Variants in WDR49 observed in about 807,000 individuals in gnomAD.
WDR49 encodes the protein WD repeat domain 49.
Under a neutral mutation model 119.5 loss-of-function variants are expected in WDR49, and 107 were observed. The ratio of observed to expected loss-of-function variants is 0.90; its 90% CI spans 0.77 to 1.05. The LOEUF (loss-of-function observed/expected upper bound fraction) is 1.05. WDR49 is among the 50% of genes least tolerant of loss of function. The pLI, the probability that WDR49 is intolerant of heterozygous loss-of-function variation, is 0.00. For synonymous variants in WDR49, 425 were observed against 418.8 expected (o/e 1.01, Z -0.18); for missense variants, 1,240 against 1,220.5 (o/e 1.02, Z -0.24).
intron 18 of WDR49, among the ~76,000 whole-genome samples, chr3:167,488,286 G>T (rs1191908851): frequency 1.3e-5 from 2 of 151,832 alleles, no homozygotes; most frequent in East Asian, 3.9e-4. Context: ...GCAAATTAAT[G>T]CAGGAACAGA....
rs529301127 is a variant in WDR49 at position 167,638,901 on chromosome 3, T to C, written c.166-11609A>G. On this transcript the variant is annotated intron_variant, in intron 2 of 18. Coordinates refer to ENST00000682715, the MANE Select transcript of WDR49 (RefSeq NM_001366157.1). Reference sequence around the variant, plus strand: ...AAGCCAAAAATTCAACATTTCGATTTCCTATCCAGCTGGTGAATTAGAAGG... The same window carrying C: ...AAGCCAAAAATTCAACATTTCGATTCCCTATCCAGCTGGTGAATTAGAAGG... 3.0e-4 allele frequency among the ~76,000 whole-genome samples: 46 copies of C among 151,766 alleles called. No homozygotes were observed. The South Asian group carries it at 9.5e-3, about 31-fold the overall frequency.
chr3:167,645,606 GCTT>G (rs1718082550), intron 2 of WDR49, among the ~76,000 whole-genome samples: 1 of 151,808 alleles, frequency 6.6e-6, no homozygotes, highest in Non-Finnish European at 1.5e-5. Flanking sequence ...TTGTTTGTTT[GCTT>G]CTTCTCCTTC....
chr3:167,536,332 G>T (rs968503714), intron 11 of WDR49, among the ~76,000 whole-genome samples: 1 of 151,918 alleles, frequency 6.6e-6, no homozygotes, highest in African/African-American at 2.4e-5. Context: ...ACATCATGTT[G>T]TGCCTCATAA....
At position 167,554,770 on chromosome 3, in the gene WDR49, T is replaced by C. The variant is rs1712824747; in HGVS notation, c.1703A>G (p.His568Arg). ...TCCATCTTGCCCAACATTTAGTGTATGGTGACAATATCCATTGAAGTCCCA... is the reference window on the plus strand; with the variant it reads ...TCCATCTTGCCCAACATTTAGTGTACGGTGACAATATCCATTGAAGTCCCA... ...KIWDFNGYCHHTLNVGQDGAV... is the reference protein window; with the variant it reads ...KIWDFNGYCHRTLNVGQDGAV... The change falls in exon 10 of 19, where the codon CAT (histidine) becomes CGT (arginine). Residue 568 changes from histidine (H) to arginine (R), a missense_variant. Physicochemically the swap from His to Arg is conservative, Grantham distance 29. Transcript: ENST00000682715. 6.2e-7 allele frequency: 1 copy of C among 1,611,794 alleles called. No homozygotes were observed. The highest frequency in any genetic ancestry group is 8.5e-7 in the Non-Finnish European group (1 of 1,179,392).
intron 15 of WDR49, 116 bp downstream of exon 15, chr3:167,527,701 TGTC>T (rs1269909279): frequency 9.4e-7 from 1 of 1,060,094 alleles, no homozygotes; most frequent in African/African-American, 1.6e-5. Flanking sequence ...TCGGAAATGT[TGTC>T]AGTTCTTTCA....
intron 2 of WDR49, chr3:167,633,521 AAT>A (rs1157365794): frequency 2.2e-6 from 1 of 455,030 alleles, no homozygotes; most frequent in Non-Finnish European, 4.4e-6. Flanking sequence ...CTGTGAGCCA[AAT>A]ATCCCCATCC....
chr3:167,547,906 T>C (rs1459896940), intron 10 of WDR49, among the ~76,000 whole-genome samples: 1 of 151,944 alleles, frequency 6.6e-6, no homozygotes, highest in Non-Finnish European at 1.5e-5. Flanking sequence ...TTGAAGAAAA[T>C]ACAAAAAGCC....
intron 10 of WDR49, among the ~76,000 whole-genome samples, chr3:167,539,178 G>A (rs1370718638): frequency 5.9e-5 from 9 of 152,068 alleles, no homozygotes; most frequent in Non-Finnish European, 1.0e-4. Flanking sequence ...GCAAGAGAAC[G>A]CAAAGTTTGC....
At chr3:167,597,671 C>A (rs1251114372) in intron 7 of WDR49, among the ~76,000 whole-genome samples, 1 of 152,160 alleles carries the variant, frequency 6.6e-6, no homozygotes, top group Non-Finnish European at 1.5e-5. Flanking sequence ...GCCAGGGAGC[C>A]CACCCCTTGC....
chr3:167,596,030 AC>A (rs1265745133), intron 7 of WDR49, among the ~76,000 whole-genome samples: 1 of 140,366 alleles, frequency 7.1e-6, no homozygotes, highest in Non-Finnish European at 1.6e-5. Context: ...CAAGAAAAAA[AC>A]AAACAACCCC....
intron 7 of WDR49, among the ~76,000 whole-genome samples, chr3:167,589,262 T>C (rs1328709319): frequency 1.3e-5 from 2 of 152,314 alleles, no homozygotes; most frequent in African/African-American, 2.4e-5. Context: ...TATGGATTTA[T>C]TTCTGGATTC....
chr3:167,616,982 AG>A (rs1349412770), intron 5 of WDR49, among the ~76,000 whole-genome samples: 2 of 152,188 alleles, frequency 1.3e-5, no homozygotes, highest in African/African-American at 4.8e-5. Context: ...AGGCTTGGAA[AG>A]GTAAGAGGCA....
intron 8 of WDR49, among the ~76,000 whole-genome samples, chr3:167,569,704 A>C (rs1264146810): frequency 6.6e-6 from 1 of 151,824 alleles, no homozygotes; most frequent in Non-Finnish European, 1.5e-5. Flanking sequence ...AAAATCAGAT[A>C]CAGTGCCCCC....
At chr3:167,637,210 T>A (rs913168824) in intron 2 of WDR49, among the ~76,000 whole-genome samples, 1 of 151,946 alleles carries the variant, frequency 6.6e-6, no homozygotes, top group South Asian at 2.1e-4. Flanking sequence ...CTCCTACATG[T>A]GGCTTGCCAA....
At chr3:167,611,751 T>A (rs1716349999) in intron 5 of WDR49, among the ~76,000 whole-genome samples, 1 of 152,132 alleles carries the variant, frequency 6.6e-6, no homozygotes, top group South Asian at 2.1e-4. Flanking sequence ...AACATCACCA[T>A]GTAATGATAA....
rs1716817157 is a variant in WDR49, at chr3:167,620,522, T to C, written c.865A>G (p.Met289Val). 3.9e-6 allele frequency: 6 copies of C among 1,535,982 alleles called. No individual in the cohort carries two copies. Among genetic ancestry groups the C allele is most frequent in the Non-Finnish European group, 5.2e-6 (6 of 1,146,718 alleles). ...ASACEDGEAT[M>V]TINWAELLSG... ...AGCAGCTCTGCCCAGTTAATGGTCA[T>C]AGTGGCTTCTCCATCTTCACATGCA... is the stretch of plus-strand genomic sequence containing the variant. Residue 289 changes from methionine to valine, a missense_variant, in exon 5 of 19, where the codon ATG becomes GTG. Coordinates refer to ENST00000682715, the MANE Select transcript of WDR49 (RefSeq NM_001366157.1).
intron 15 of WDR49, among the ~76,000 whole-genome samples, chr3:167,523,744 C>T (rs896668656): frequency 3.9e-5 from 6 of 152,158 alleles, no homozygotes; most frequent in South Asian, 4.2e-4. Flanking sequence ...TTTATGGCTG[C>T]GTAGTATTCC....
At chr3:167,634,671 T>G (rs556866196) in intron 2 of WDR49, among the ~76,000 whole-genome samples, 2 of 151,890 alleles carry the variant, frequency 1.3e-5, no homozygotes, top group East Asian at 3.9e-4. Flanking sequence ...TAACCCTAAG[T>G]GCAAAACTTT....
In WDR49 at chr3:167,636,902, C is replaced by T. The variant is rs370263171; in HGVS notation, c.166-9610G>A. 4.6e-5 allele frequency among the ~76,000 whole-genome samples: 7 copies of T among 151,734 alleles called. No homozygotes were observed. In the East Asian group the frequency reaches 7.8e-4, roughly 17 times the overall value. On this transcript the variant is annotated intron_variant, in intron 2 of 18. Coordinates refer to ENST00000682715, the MANE Select transcript of WDR49 (RefSeq NM_001366157.1). Reference sequence around the variant, plus strand: ...TAGATTCTGGACATTAGCCCTTTGTCAGGTGTATAAAGTGTGAAGATTTCC... The same window carrying T: ...TAGATTCTGGACATTAGCCCTTTGTTAGGTGTATAAAGTGTGAAGATTTCC...
Sources: gnomAD v4.1 joint callset for allele counts (sites outside exome capture counted in the v4.1 genomes callset) on GRCh38, gnomAD v4.1.1 for gene constraint, MANE v1.5 for transcripts, NCBI Gene and HGNC (gene_info 2026-07-23, HGNC 2026-07-21) for gene names.